FOXP2: variants seen among roughly 807,000 people sequenced by gnomAD.
FOXP2 encodes forkhead box protein P2.
FOXP2 carries 12 observed loss-of-function variants against 115.8 expected under a neutral mutation model. That is an observed-to-expected ratio of 0.10 (90% CI 0.07 to 0.17). The LOEUF (loss-of-function observed/expected upper bound fraction) is 0.17, where lower values mean the gene tolerates loss of function less well. FOXP2 is among the 10% of genes least tolerant of loss of function. FOXP2 has a pLI of 1.00. For synonymous variants in FOXP2, 328 were observed against 297.7 expected (o/e 1.10, Z -1.05); for missense variants, 629 against 843.5 (o/e 0.75, Z 3.15).
At chr7:114,191,239 T>C (rs1793753413) in intron 1 of FOXP2, among the ~76,000 whole-genome samples, 1 of 152,204 alleles carries the variant, frequency 6.6e-6, no homozygotes, top group Admixed American at 6.5e-5. Context: ...ATGTATACCT[T>C]TCCTTTCTGA....
At chr7:114,109,018 AT>A (rs1413087196) in intron 1 of FOXP2, among the ~76,000 whole-genome samples, 1 of 151,910 alleles carries the variant, frequency 6.6e-6, no homozygotes, top group East Asian at 1.9e-4. Context: ...AACTTTTAAT[AT>A]TTTGGTGATT....
chr7:114,365,502 A>G (rs1240365548), intron 2 of FOXP2, among the ~76,000 whole-genome samples: 1 of 152,112 alleles, frequency 6.6e-6, no homozygotes, highest in African/African-American at 2.4e-5. Context: ...TCTGAGAGCC[A>G]TGGAATATAT....
At chr7:114,139,181 C>G (rs1384500742) in intron 1 of FOXP2, among the ~76,000 whole-genome samples, 1 of 151,996 alleles carries the variant, frequency 6.6e-6, no homozygotes, top group African/African-American at 2.4e-5. Context: ...TTTTTAAAAT[C>G]AACTTTTTGG....
intron 2 of FOXP2, among the ~76,000 whole-genome samples, chr7:114,485,227 T>A (rs1335970349): frequency 6.6e-6 from 1 of 151,972 alleles, no homozygotes; most frequent in African/African-American, 2.4e-5. Context: ...TTAGAAAATT[T>A]TTTTATTAAA....
At chr7:114,504,136 CAG>C (rs529798229) in intron 2 of FOXP2, among the ~76,000 whole-genome samples, 78 of 151,656 alleles carry the variant, frequency 5.1e-4, no homozygotes, top group Non-Finnish European at 1.0e-3. Context: ...TTAAAAGTAA[CAG>C]AGTTAATTTT....
At chr7:114,092,621 C>T (rs1562961513) in intron 1 of FOXP2, among the ~76,000 whole-genome samples, 1 of 151,968 alleles carries the variant, frequency 6.6e-6, no homozygotes, top group Non-Finnish European at 1.5e-5. Flanking sequence ...TTCTCACTGG[C>T]AGATAGTGAG....
At chr7:114,399,163 G>A (rs117655293) in intron 2 of FOXP2, among the ~76,000 whole-genome samples, 2,013 of 149,466 alleles carry the variant, frequency 0.013, 19 homozygotes, top group Middle Eastern at 0.024. Flanking sequence ...GCTGAAGGGC[G>A]GTGGTGCCAT....
At chr7:114,426,997 G>A (rs945954552) in intron 2 of FOXP2, among the ~76,000 whole-genome samples, 6 of 151,580 alleles carry the variant, frequency 4.0e-5, no homozygotes, top group Admixed American at 6.6e-5. Flanking sequence ...TGCAGAACGT[G>A]ATACTTAGTT....
intron 1 of FOXP2, among the ~76,000 whole-genome samples, chr7:114,108,693 A>G (rs1584483468): frequency 6.6e-6 from 1 of 152,092 alleles, no homozygotes; most frequent in East Asian, 1.9e-4. Flanking sequence ...AAGCAATCAT[A>G]ATAGTTTCCT....
chr7:114,674,488 T>C (rs1471390266), intron 16 of FOXP2, among the ~76,000 whole-genome samples: 1 of 152,214 alleles, frequency 6.6e-6, no homozygotes, highest in Non-Finnish European at 1.5e-5. Flanking sequence ...CTGAGTACTG[T>C]CCTACTGGCA....
At chr7:114,105,004 G>T (rs915065203) in intron 1 of FOXP2, among the ~76,000 whole-genome samples, 2 of 151,894 alleles carry the variant, frequency 1.3e-5, no homozygotes, top group Admixed American at 1.3e-4. Context: ...TGTATATTCT[G>T]GTTTTGAGTT....
At chr7:114,101,899 T>TGTG (rs1790974326) in intron 1 of FOXP2, among the ~76,000 whole-genome samples, 9 of 142,518 alleles carry the variant, frequency 6.3e-5, no homozygotes, top group Non-Finnish European at 1.4e-4. Context: ...CTTCAACATT[T>TGTG]TGTGTGTGTG....
intron 1 of FOXP2, among the ~76,000 whole-genome samples, chr7:114,254,162 T>C (rs1025911621): frequency 3.3e-4 from 50 of 152,312 alleles, no homozygotes; most frequent in Non-Finnish European, 6.0e-4. Flanking sequence ...CAGAGAGATC[T>C]GCTGTTAGTC....
chr7:114,689,420 G>C (rs1304222364), intron 16 of FOXP2, among the ~76,000 whole-genome samples: 1 of 152,088 alleles, frequency 6.6e-6, no homozygotes, highest in African/African-American at 2.4e-5. Flanking sequence ...AATGGTAAAA[G>C]TGTTTTCATT....
chr7:114,258,772 A>T (rs1056414987), intron 1 of FOXP2, among the ~76,000 whole-genome samples: 11 of 152,186 alleles, frequency 7.2e-5, no homozygotes, highest in Admixed American at 6.6e-4. Flanking sequence ...CATCAGAAAC[A>T]TTAAGTAGTA....
intron 1 of FOXP2, among the ~76,000 whole-genome samples, chr7:114,151,418 A>G (rs187465087): frequency 1.1e-4 from 16 of 152,194 alleles, no homozygotes; most frequent in Admixed American, 8.5e-4. Flanking sequence ...TGAAACTTCT[A>G]TTTAAGAAGT....
At chr7:114,539,218 TG>T (rs776467048) in intron 3 of FOXP2, among the ~76,000 whole-genome samples, 3 of 151,930 alleles carry the variant, frequency 2.0e-5, no homozygotes, top group Non-Finnish European at 4.4e-5. Flanking sequence ...TAAAATATTC[TG>T]GAGGAAAATA....
At chr7:114,484,713 C>CA (rs1796699547) in intron 2 of FOXP2, among the ~76,000 whole-genome samples, 1 of 151,784 alleles carries the variant, frequency 6.6e-6, no homozygotes, top group Admixed American at 6.6e-5. Flanking sequence ...TAACCCTTAC[C>CA]ATTGTCATTA....
chr7:114,248,664 T>G (rs1014316547), intron 1 of FOXP2, among the ~76,000 whole-genome samples: 6 of 152,172 alleles, frequency 3.9e-5, no homozygotes, highest in Admixed American at 6.5e-5. Context: ...TATTTTTTAG[T>G]TTTATCCTTG....
Sources: gnomAD v4.1 joint callset for allele counts (sites outside exome capture counted in the v4.1 genomes callset) on GRCh38, gnomAD v4.1.1 for gene constraint, MANE v1.5 for transcripts, NCBI Gene and HGNC (gene_info 2026-07-23, HGNC 2026-07-21) for gene names.